MCTP2: variants seen among roughly 807,000 people sequenced by gnomAD.
MCTP2 encodes the protein multiple C2 and transmembrane domain containing 2, also known as multiple C2 and transmembrane domain-containing protein 2.
In MCTP2, 132 loss-of-function variants were observed where a neutral mutation model predicts 111.6. The ratio of observed to expected loss-of-function variants is 1.18; its 90% confidence interval spans 1.03 to 1.37. The LOEUF (loss-of-function observed/expected upper bound fraction) is 1.37. Ranked by LOEUF, MCTP2 falls within the 40% of genes most tolerant of loss-of-function variation. The pLI is 0.00. For missense variants in MCTP2, 1,183 were observed against 1,067.9 expected (o/e 1.11, Z -1.50); for synonymous variants, 395 against 387.7 (o/e 1.02, Z -0.22).
At chr15:94,242,978 C>CGGGTGTGT (rs1236368600) in intron 1 of MCTP2, among the ~76,000 whole-genome samples, 10 of 96,278 alleles carry the variant, frequency 1.0e-4, no homozygotes, top group Admixed American at 2.8e-4. Flanking sequence ...TGTGTATCTA[C>CGGGTGTGT]ACATACACGT....
intron 1 of MCTP2, among the ~76,000 whole-genome samples, chr15:94,293,895 G>T (rs1032711991): frequency 6.6e-6 from 1 of 152,104 alleles, no homozygotes; most frequent in Non-Finnish European, 1.5e-5. Flanking sequence ...ACATATATTC[G>T]TACACAAAAA....
intron 1 of MCTP2, among the ~76,000 whole-genome samples, chr15:94,253,570 ACAC>A (rs937891812): frequency 4.6e-5 from 7 of 152,050 alleles, no homozygotes; most frequent in African/African-American, 1.7e-4. Flanking sequence ...CTCATTCTTA[ACAC>A]CTCCTAGATC....
At chr15:94,435,116 T>C (rs1479684438) in intron 17 of MCTP2, among the ~76,000 whole-genome samples, 1 of 152,156 alleles carries the variant, frequency 6.6e-6, no homozygotes, top group Non-Finnish European at 1.5e-5. Flanking sequence ...CCACCTGTGT[T>C]GGCCTCCCAA....
At chr15:94,470,725 G>A (rs531453996) in intron 21 of MCTP2, among the ~76,000 whole-genome samples, 69 of 152,258 alleles carry the variant, frequency 4.5e-4, no homozygotes, top group Middle Eastern at 6.8e-3. Flanking sequence ...AATCCTCTTG[G>A]ATAATATATT....
At chr15:94,413,753 A>G (rs569543931) in intron 17 of MCTP2, among the ~76,000 whole-genome samples, 2 of 152,320 alleles carry the variant, frequency 1.3e-5, no homozygotes, top group African/African-American at 2.4e-5. Flanking sequence ...ATAAATATGT[A>G]TATTTTTAAC....
intron 17 of MCTP2, among the ~76,000 whole-genome samples, chr15:94,435,629 CTTTTTTTTTTTT>C (rs202170550): frequency 0.062 from 7,349 of 117,682 alleles, 367 homozygotes; most frequent in East Asian, 0.18. Flanking sequence ...TTTTTTTATT[CTTTTTTTTTTTT>C]TTTTTTTTGA....
chr15:94,305,660 A>G (rs1044957777), intron 2 of MCTP2, among the ~76,000 whole-genome samples: 4 of 152,080 alleles, frequency 2.6e-5, no homozygotes, highest in Non-Finnish European at 5.9e-5. Flanking sequence ...TATGATATGC[A>G]TGTATATTGA....
chr15:94,306,599 A>T (rs2075891020), intron 2 of MCTP2, among the ~76,000 whole-genome samples: 1 of 152,344 alleles, frequency 6.6e-6, no homozygotes, highest in Non-Finnish European at 1.5e-5. Context: ...GTGTCCTTTT[A>T]AACACAAGGA....
At chr15:94,393,609 A>G (rs2081113809) in intron 14 of MCTP2, among the ~76,000 whole-genome samples, 1 of 152,250 alleles carries the variant, frequency 6.6e-6, no homozygotes, top group Non-Finnish European at 1.5e-5. Context: ...GGCCAAAACA[A>G]AAATCGCCAT....
At chr15:94,370,837 C>T (rs1000463620) in intron 12 of MCTP2, among the ~76,000 whole-genome samples, 6 of 152,128 alleles carry the variant, frequency 3.9e-5, no homozygotes, top group African/African-American at 9.7e-5. Flanking sequence ...ACAATTTAGC[C>T]GCCTACATGA....
At chr15:94,371,086 G>T (rs1451706772) in intron 12 of MCTP2, among the ~76,000 whole-genome samples, 1 of 151,324 alleles carries the variant, frequency 6.6e-6, no homozygotes, top group Non-Finnish European at 1.5e-5. Context: ...AGTTTTCAGC[G>T]CATTATATTA....
intron 19 of MCTP2, among the ~76,000 whole-genome samples, chr15:94,448,961 A>G (rs1384693700): frequency 3.3e-5 from 5 of 152,188 alleles, no homozygotes; most frequent in Admixed American, 6.5e-5. Context: ...GAATTGCTTG[A>G]ACTGGGAGGC....
At chr15:94,273,863 CT>C in intron 1 of MCTP2, 1 of 229,174 alleles carries the variant, frequency 4.4e-6, no homozygotes, top group Non-Finnish European at 9.9e-6. Flanking sequence ...CCCTGTGGGC[CT>C]TCACTTGAGC....
intron 12 of MCTP2, among the ~76,000 whole-genome samples, chr15:94,373,203 C>T (rs2079579848): frequency 6.6e-6 from 1 of 152,136 alleles, no homozygotes; most frequent in African/African-American, 2.4e-5. Context: ...CCACGGGAAT[C>T]AAATTAGAAG....
At chr15:94,247,241 G>A (rs1257559829) in intron 1 of MCTP2, among the ~76,000 whole-genome samples, 1 of 152,070 alleles carries the variant, frequency 6.6e-6, no homozygotes, top group Non-Finnish European at 1.5e-5. Flanking sequence ...AGAGGGCATT[G>A]GATGCACATC....
At chr15:94,409,520 G>T (rs576140653) in intron 17 of MCTP2, among the ~76,000 whole-genome samples, 1 of 151,906 alleles carries the variant, frequency 6.6e-6, no homozygotes, top group Non-Finnish European at 1.5e-5. Context: ...CGGATTCCTT[G>T]TCTTTTACAG....
intron 1 of MCTP2, among the ~76,000 whole-genome samples, chr15:94,250,139 A>G (rs1210963170): frequency 6.6e-6 from 1 of 152,096 alleles, no homozygotes; most frequent in Non-Finnish European, 1.5e-5. Context: ...TGTGTTTTTC[A>G]CTTAAAATTA....
intron 1 of MCTP2, among the ~76,000 whole-genome samples, chr15:94,260,211 T>A (rs2073101733): frequency 6.6e-6 from 1 of 152,054 alleles, no homozygotes; most frequent in Non-Finnish European, 1.5e-5. Flanking sequence ...GCAATAAGGG[T>A]ATGCGAAAAT....
At chr15:94,355,950 A>C in intron 8 of MCTP2, 187 bp from the exon 9 acceptor site, 1 of 1,251,862 alleles carries the variant, frequency 8.0e-7, no homozygotes, top group Non-Finnish European at 1.0e-6. Flanking sequence ...TACCACTCCA[A>C]AGCTTGAGAA....
Sources: allele counts gnomAD v4.1 joint callset (sites outside exome capture counted in the v4.1 genomes callset), GRCh38; gene constraint gnomAD v4.1.1; transcripts MANE v1.5; gene names NCBI Gene and HGNC (gene_info 2026-07-23, HGNC 2026-07-21).